Variants in IL1RAPL1 observed in about 807,000 individuals in gnomAD.
IL1RAPL1 encodes the protein interleukin 1 receptor accessory protein like 1.
Under a neutral mutation model 48.4 loss-of-function variants are expected in IL1RAPL1, and 3 were observed. That is an observed-to-expected ratio of 0.06 (90% CI 0.03 to 0.16). The LOEUF (loss-of-function observed/expected upper bound fraction) is 0.16. Among genes scored for constraint, IL1RAPL1 ranks in the 10% least tolerant of loss-of-function variants. The pLI, the probability that IL1RAPL1 is intolerant of heterozygous loss-of-function variation, is 1.00. For missense variants in IL1RAPL1, 349 were observed against 530.6 expected, an observed-to-expected ratio of 0.66 and a Z score of 3.36; for synonymous variants, 185 against 187.7, an observed-to-expected ratio of 0.99 and a Z score of 0.12.
chrX:29,484,564 T>C (rs1303199348), intron 5 of IL1RAPL1, among the ~76,000 whole-genome samples: 1 of 110,361 alleles, frequency 9.1e-6, no homozygotes, highest in Non-Finnish European at 1.9e-5. Flanking sequence ...ATAAAGGAGG[T>C]AGGAGGTACC....
At chrX:29,758,829 C>T (rs771604774) in intron 6 of IL1RAPL1, among the ~76,000 whole-genome samples, 3 of 111,405 alleles carry the variant, frequency 2.7e-5, no homozygotes, top group Non-Finnish European at 5.6e-5. Flanking sequence ...AAAATACCCA[C>T]CGTGTTTCAC....
rs1479918833 is a variant in IL1RAPL1, at chrX:29,506,100, A to T, written c.703+106792A>T. Among the ~76,000 whole-genome samples the T allele has an allele frequency of 2.7e-5, 3 of 111,750 alleles. No homozygotes were observed. In the Admixed American group the frequency reaches 2.8e-4, roughly 11 times the overall value. On this transcript the variant is annotated intron_variant, in intron 5 of 10. Coordinates refer to ENST00000378993, the MANE Select transcript of IL1RAPL1 (RefSeq NM_014271.4). ...TTTTTAAAATTATTTCTCTTTGCTC[A>T]ATTTTTCTAATAAGTTTCTGAATTC...
At chrX:29,447,202 CT>C (rs779024945) in intron 5 of IL1RAPL1, among the ~76,000 whole-genome samples, 1 of 110,830 alleles carries the variant, frequency 9.0e-6, no homozygotes, top group South Asian at 3.8e-4. Flanking sequence ...TGTGGAAACC[CT>C]TTTGCTCCCC....
intron 5 of IL1RAPL1, among the ~76,000 whole-genome samples, chrX:29,434,903 A>G (rs900698041): frequency 9.0e-6 from 1 of 111,170 alleles, no homozygotes; most frequent in Non-Finnish European, 1.9e-5. Context: ...TTGTGCAACC[A>G]TTACCACTGT....
At chrX:29,247,697 G>A (rs1957745026) in intron 2 of IL1RAPL1, among the ~76,000 whole-genome samples, 1 of 111,531 alleles carries the variant, frequency 9.0e-6, no homozygotes, top group Admixed American at 9.5e-5. Flanking sequence ...CAGGAGAATC[G>A]CTTGAACCCA....
intron 2 of IL1RAPL1, among the ~76,000 whole-genome samples, chrX:29,030,578 G>T (rs1204731907): frequency 1.8e-5 from 2 of 110,961 alleles, no homozygotes; most frequent in Admixed American, 9.6e-5. Context: ...TAGTTTTTTG[G>T]CAAGGATGGG....
At chrX:28,703,781 A>C (rs767897258) in intron 1 of IL1RAPL1, among the ~76,000 whole-genome samples, 1 of 112,008 alleles carries the variant, frequency 8.9e-6, no homozygotes, top group Non-Finnish European at 1.9e-5. Flanking sequence ...TGATCTTTTC[A>C]AAAGAAAAGA....
At chrX:29,543,703 T>A (rs994768355) in intron 5 of IL1RAPL1, among the ~76,000 whole-genome samples, 3 of 111,332 alleles carry the variant, frequency 2.7e-5, no homozygotes, top group Non-Finnish European at 5.7e-5. Flanking sequence ...GTAGTTGAAT[T>A]AAAATTTTGA....
At chrX:29,547,775 C>T (rs961547988) in intron 5 of IL1RAPL1, among the ~76,000 whole-genome samples, 10 of 111,744 alleles carry the variant, frequency 8.9e-5, no homozygotes, top group African/African-American at 2.9e-4. Flanking sequence ...GCAAGCATAA[C>T]GTGAAGCCAT....
At chrX:29,755,705 G>A (rs925710534) in intron 6 of IL1RAPL1, among the ~76,000 whole-genome samples, 20 of 111,928 alleles carry the variant, frequency 1.8e-4, no homozygotes, top group Non-Finnish European at 3.4e-4. Context: ...TCTGGAAACA[G>A]GTAATTACCC....
At chrX:29,794,297 G>T (rs1162152858) in intron 6 of IL1RAPL1, among the ~76,000 whole-genome samples, 3 of 111,799 alleles carry the variant, frequency 2.7e-5, no homozygotes, top group Non-Finnish European at 5.6e-5. Context: ...TACTTTAGAA[G>T]TATACTTAAC....
At chrX:28,853,493 GCACACA>G (rs77109541) in intron 2 of IL1RAPL1, among the ~76,000 whole-genome samples, 3 of 107,053 alleles carry the variant, frequency 2.8e-5, no homozygotes, top group Non-Finnish European at 3.9e-5. Flanking sequence ...GTGTGCGCGC[GCACACA>G]CACACACACA....
chrX:29,095,163 A>G (rs1203155190), intron 2 of IL1RAPL1, among the ~76,000 whole-genome samples: 2 of 111,261 alleles, frequency 1.8e-5, no homozygotes, highest in East Asian at 5.6e-4. Flanking sequence ...TAAAGGACAG[A>G]TATGTTTTCT....
At chrX:29,402,134 A>T (rs1035917766) in intron 5 of IL1RAPL1, among the ~76,000 whole-genome samples, 2 of 110,729 alleles carry the variant, frequency 1.8e-5, no homozygotes, top group African/African-American at 6.6e-5. Flanking sequence ...AACATTCTCA[A>T]TTTTTTTCTT....
chrX:28,599,159 C>T (rs1339288044), intron 1 of IL1RAPL1, among the ~76,000 whole-genome samples: 1 of 107,120 alleles, frequency 9.3e-6, no homozygotes, highest in Non-Finnish European at 1.9e-5. Flanking sequence ...GCAGGAGAAT[C>T]GCTTGAACCT....
At chrX:28,974,501 C>T (rs1925158533) in intron 2 of IL1RAPL1, among the ~76,000 whole-genome samples, 1 of 111,869 alleles carries the variant, frequency 8.9e-6, no homozygotes, top group African/African-American at 3.2e-5. Flanking sequence ...GCTCAAGAAA[C>T]CTCTGTTAAT....
chrX:29,316,034 C>G (rs1602166596), intron 3 of IL1RAPL1, among the ~76,000 whole-genome samples: 1 of 111,968 alleles, frequency 8.9e-6, no homozygotes, highest in Non-Finnish European at 1.9e-5. Context: ...AGGCAGCTTC[C>G]CAATAAACCA....
intron 1 of IL1RAPL1, among the ~76,000 whole-genome samples, chrX:28,657,066 A>ACTATAAATG (rs1408881580): frequency 9.1e-6 from 1 of 109,716 alleles, no homozygotes; most frequent in Non-Finnish European, 1.9e-5. Flanking sequence ...CCCCTACCAG[A>ACTATAAATG]CTATAAATGT....
intron 2 of IL1RAPL1, among the ~76,000 whole-genome samples, chrX:28,970,605 A>G (rs1324007425): frequency 1.8e-5 from 2 of 112,083 alleles, no homozygotes; most frequent in African/African-American, 3.2e-5. Context: ...GAGTATCACA[A>G]TAATGAATAA....
Sources: allele counts gnomAD v4.1 joint callset (sites outside exome capture counted in the v4.1 genomes callset), GRCh38; gene constraint gnomAD v4.1.1; transcripts MANE v1.5; gene names NCBI Gene and HGNC (gene_info 2026-07-23, HGNC 2026-07-21).